Variants in MYRIP observed in about 807,000 individuals in gnomAD.
MYRIP encodes the protein myosin VIIA and Rab interacting protein.
MYRIP carries 49 observed loss-of-function variants against 98.0 expected under a neutral mutation model. The observed-to-expected ratio is 0.50, with a 90% confidence interval of 0.40 to 0.63. The LOEUF (loss-of-function observed/expected upper bound fraction) is 0.63. Among genes scored for constraint, MYRIP ranks in the 30% least tolerant of loss-of-function variants. The pLI is 0.00. For missense variants in MYRIP, 1,004 were observed against 1,058.2 expected, an observed-to-expected ratio of 0.95 and a Z score of 0.71; for synonymous variants, 404 against 409.5, an observed-to-expected ratio of 0.99 and a Z score of 0.16.
At chr3:40,218,415 A>G (rs2125678758) in intron 11 of MYRIP, among the ~76,000 whole-genome samples, 1 of 151,994 alleles carries the variant, frequency 6.6e-6, no homozygotes, top group African/African-American at 2.4e-5. Context: ...TGAGGAGAAG[A>G]TTGATATAAA....
At chr3:40,133,243 C>A (rs1457421155) in intron 3 of MYRIP, among the ~76,000 whole-genome samples, 1 of 152,214 alleles carries the variant, frequency 6.6e-6, no homozygotes, top group African/African-American at 2.4e-5. Flanking sequence ...TGATTAAGAA[C>A]CCTCCTGTGA....
At chr3:40,101,243 CT>C (rs1948939423) in intron 3 of MYRIP, among the ~76,000 whole-genome samples, 1 of 152,118 alleles carries the variant, frequency 6.6e-6, no homozygotes, top group South Asian at 2.1e-4. Flanking sequence ...CATCAGTTTT[CT>C]GTGTTTTATT....
At chr3:40,053,580 G>A (rs1947831848) in intron 3 of MYRIP, among the ~76,000 whole-genome samples, 1 of 152,162 alleles carries the variant, frequency 6.6e-6, no homozygotes, top group Non-Finnish European at 1.5e-5. Flanking sequence ...ACTCTGTGAA[G>A]GGCAAGTGAT....
intron 3 of MYRIP, among the ~76,000 whole-genome samples, chr3:40,111,535 A>C (rs1178256342): frequency 6.6e-6 from 1 of 152,068 alleles, no homozygotes; most frequent in Non-Finnish European, 1.5e-5. Context: ...GAAATTATAG[A>C]GTTGATGGGT....
intron 10 of MYRIP, among the ~76,000 whole-genome samples, chr3:40,198,728 T>C (rs566447421): frequency 2.8e-4 from 42 of 152,334 alleles, no homozygotes; most frequent in Non-Finnish European, 4.3e-4. Context: ...AAACTTGTTT[T>C]CTTGGGGTAA....
intron 1 of MYRIP, among the ~76,000 whole-genome samples, chr3:39,877,312 T>C (rs1410653929): frequency 6.6e-6 from 1 of 152,154 alleles, no homozygotes; most frequent in African/African-American, 2.4e-5. Flanking sequence ...TCAGAGTAAT[T>C]TGATCGTCTG....
intron 1 of MYRIP, among the ~76,000 whole-genome samples, chr3:39,857,561 G>T (rs1483873905): frequency 6.6e-6 from 1 of 152,028 alleles, no homozygotes; most frequent in African/African-American, 2.4e-5. Flanking sequence ...GGAGCAAAAA[G>T]AAAAAGAATG....
chr3:40,040,054 T>A (rs1307099620), intron 2 of MYRIP, among the ~76,000 whole-genome samples: 1 of 152,172 alleles, frequency 6.6e-6, no homozygotes, highest in African/African-American at 2.4e-5. Flanking sequence ...TAGAGCTCAC[T>A]CATATAATGC....
chr3:40,107,322 T>C (rs1014948616), intron 3 of MYRIP, among the ~76,000 whole-genome samples: 3 of 152,244 alleles, frequency 2.0e-5, no homozygotes, highest in African/African-American at 7.2e-5. Flanking sequence ...CTGCTGTTGT[T>C]GTCTTGAAAC....
rs1306023430 is a variant in MYRIP, at chr3:40,126,178, G to A, written c.333-24870G>A. On this transcript the variant is annotated intron_variant, in intron 3 of 16. Transcript: ENST00000302541. ...TTCTTAAAGTGCAATCCTTGGACTC[G>A]CAGCATCACATCACCTGAGAAGTTA... 3.9e-5 allele frequency among the ~76,000 whole-genome samples: 6 copies of A among 152,146 alleles called. No homozygotes were observed. In the East Asian group the frequency reaches 1.2e-3, roughly 29 times the overall value.
At chr3:39,959,543 G>C (rs758361831) in intron 2 of MYRIP, among the ~76,000 whole-genome samples, 1 of 152,042 alleles carries the variant, frequency 6.6e-6, no homozygotes, top group Non-Finnish European at 1.5e-5. Context: ...GGAGCAGGGA[G>C]GGATGGCATT....
intron 2 of MYRIP, among the ~76,000 whole-genome samples, chr3:39,907,309 G>A (rs1391415983): frequency 6.6e-6 from 1 of 152,196 alleles, no homozygotes; most frequent in African/African-American, 2.4e-5. Context: ...ACTGTCACCT[G>A]TGTGGCAGAG....
chr3:39,995,717 T>A (rs1397016070), intron 2 of MYRIP, among the ~76,000 whole-genome samples: 1 of 151,964 alleles, frequency 6.6e-6, no homozygotes, highest in Non-Finnish European at 1.5e-5. Context: ...GAAGAGCAAC[T>A]CCAAGACACA....
intron 1 of MYRIP, among the ~76,000 whole-genome samples, chr3:39,850,535 A>G (rs997084532): frequency 2.6e-5 from 4 of 152,160 alleles, no homozygotes; most frequent in Admixed American, 6.5e-5. Context: ...ACCTGATAGT[A>G]ATTTGCTCTC....
chr3:40,193,275 A>G lies in MYRIP; in HGVS notation c.1665+2812A>G, dbSNP rs535400179. Among the ~76,000 whole-genome samples, 65 of 152,280 alleles carry G rather than the reference A, an allele frequency of 4.3e-4. 1 individual carries two copies. The highest frequency in any genetic ancestry group is 1.5e-3 in the African/African-American group (63 of 41,552). On this transcript the variant is annotated intron_variant, in intron 10 of 16. Transcript: ENST00000302541. ...GGATGCATTGTCTGTGGAGAATGTT[A>G]AAACAATAATAGATCCAACAAAAGT... is the stretch of plus-strand genomic sequence containing the variant.
At chr3:39,944,956 CCTT>C (rs1478142930) in intron 2 of MYRIP, among the ~76,000 whole-genome samples, 1 of 151,882 alleles carries the variant, frequency 6.6e-6, no homozygotes, top group Non-Finnish European at 1.5e-5. Flanking sequence ...AGAATTTAAT[CCTT>C]CTGCTTTTAT....
At chr3:40,062,257 T>C (rs1948034331) in intron 3 of MYRIP, among the ~76,000 whole-genome samples, 1 of 152,198 alleles carries the variant, frequency 6.6e-6, no homozygotes, top group African/African-American at 2.4e-5. Context: ...TAATCTATCT[T>C]GAGCTGATTT....
At chr3:39,885,451 T>C (rs1943269097) in intron 1 of MYRIP, among the ~76,000 whole-genome samples, 2 of 152,194 alleles carry the variant, frequency 1.3e-5, no homozygotes, top group South Asian at 4.1e-4. Context: ...ATTTCAACTT[T>C]GGTGAATCTG....
chr3:40,048,767 G>T (rs1391891479), intron 3 of MYRIP, among the ~76,000 whole-genome samples: 1 of 152,040 alleles, frequency 6.6e-6, no homozygotes, highest in Non-Finnish European at 1.5e-5. Context: ...GCATTAAAAT[G>T]TATTTCTGTT....
Sources: allele counts gnomAD v4.1 joint callset (sites outside exome capture counted in the v4.1 genomes callset), GRCh38; gene constraint gnomAD v4.1.1; transcripts MANE v1.5; gene names NCBI Gene and HGNC (gene_info 2026-07-23, HGNC 2026-07-21).